Variants in GRK5 observed in about 807,000 individuals in gnomAD.
GRK5 encodes the protein g protein-coupled receptor kinase GRK5.
Under a neutral mutation model 78.4 loss-of-function variants are expected in GRK5, and 40 were observed. The ratio of observed to expected loss-of-function variants is 0.51; its 90% confidence interval spans 0.40 to 0.66. GRK5 has a LOEUF of 0.66. Ranked by LOEUF, GRK5 falls within the 30% of genes least tolerant of loss-of-function variation. GRK5 has a pLI of 0.00. For synonymous variants in GRK5, 289 were observed against 296.8 expected (o/e 0.97, Z 0.27); for missense variants, 598 against 759.9 (o/e 0.79, Z 2.50).
In GRK5 at chr10:119,207,697, G is replaced by A. The variant is rs1054099940; in HGVS notation, c.-221G>A. 6.8e-5 allele frequency: 28 copies of A among 410,078 alleles called. No individual in the cohort carries two copies. Among genetic ancestry groups the A allele is most frequent in the Non-Finnish European group, 1.1e-4 (28 of 251,448 alleles). The allele number at this position is 410,078 out of a possible 1,614,324, so 25.4% of individuals were successfully genotyped here. On this transcript the variant is annotated 5_prime_UTR_variant, in exon 1 of 16. Transcript: ENST00000392870. ...GGAGGGGGGAGGGGGGACACAGAGG[G>A]AGGAAGAAGCGGCGGCGGCGGCGGC...
At chr10:119,363,196 G>A (rs1026333712) in intron 2 of GRK5, among the ~76,000 whole-genome samples, 26 of 151,668 alleles carry the variant, frequency 1.7e-4, no homozygotes, top group African/African-American at 6.0e-4. Flanking sequence ...CAGGAGAATC[G>A]CTTGAACCCA....
At chr10:119,388,368 A>T (rs1490213460) in intron 3 of GRK5, among the ~76,000 whole-genome samples, 1 of 152,000 alleles carries the variant, frequency 6.6e-6, no homozygotes, top group East Asian at 1.9e-4. Context: ...ACAGAGTCTC[A>T]CTCTTTTGCC....
intron 2 of GRK5, among the ~76,000 whole-genome samples, chr10:119,346,649 C>T (rs767739989): frequency 2.0e-5 from 3 of 152,132 alleles, no homozygotes; most frequent in East Asian, 1.9e-4. Context: ...GCCAGCTGCA[C>T]GTGCCACCTG....
chr10:119,335,548 A>G (rs1850869604), intron 2 of GRK5, among the ~76,000 whole-genome samples: 1 of 152,178 alleles, frequency 6.6e-6, no homozygotes, highest in Non-Finnish European at 1.5e-5. Flanking sequence ...TTTTTAGTAG[A>G]GACAGGGTTT....
chr10:119,459,668 C>T lies in GRK5; in HGVS notation c.*4601C>T, dbSNP rs964557421. The T allele has an allele frequency of 7.9e-5, 12 of 152,218 alleles. No homozygotes were observed. Among genetic ancestry groups the T allele is most frequent in the African/African-American group, 1.4e-4 (6 of 41,458 alleles). The allele number at this position is 152,218 out of a possible 1,614,324, so 9.4% of individuals were successfully genotyped here. On this transcript the variant is annotated 3_prime_UTR_variant, in exon 16 of 16. Transcript: ENST00000392870. ...CTGTAACTCTGTGTGTTCCGTCTAT[C>T]GCGTCACAGTGCCGCTGGATCTAGA...
chr10:119,405,530 A>G (rs1391563357), intron 4 of GRK5, among the ~76,000 whole-genome samples: 1 of 152,016 alleles, frequency 6.6e-6, no homozygotes, highest in Admixed American at 6.6e-5. Context: ...AAAGGAAATA[A>G]TAACGACTCC....
At chr10:119,235,399 A>G (rs1360048166) in intron 1 of GRK5, among the ~76,000 whole-genome samples, 1 of 152,240 alleles carries the variant, frequency 6.6e-6, no homozygotes, top group African/African-American at 2.4e-5. Context: ...CAAAAGAGCC[A>G]GGTTTAGAAA....
chr10:119,333,960 T>G, intron 2 of GRK5: 1 of 431,768 alleles, frequency 2.3e-6, no homozygotes, highest in Non-Finnish European at 4.6e-6. Flanking sequence ...TTAAAGGATC[T>G]CTCTGCGAGC....
At chr10:119,435,225 T>C (rs761062835) in intron 8 of GRK5, among the ~76,000 whole-genome samples, 5 of 152,214 alleles carry the variant, frequency 3.3e-5, no homozygotes, top group South Asian at 4.1e-4. Flanking sequence ...ATTTTCCCCA[T>C]GGTCTTGGGG....
At chr10:119,215,718 C>T (rs1420461942) in intron 1 of GRK5, among the ~76,000 whole-genome samples, 2 of 152,156 alleles carry the variant, frequency 1.3e-5, no homozygotes, top group Non-Finnish European at 2.9e-5. Flanking sequence ...AATTGAGCAA[C>T]TGACTTTCCT....
chr10:119,265,973 C>T (rs1849489397), intron 1 of GRK5, among the ~76,000 whole-genome samples: 1 of 152,130 alleles, frequency 6.6e-6, no homozygotes, highest in Non-Finnish European at 1.5e-5. Flanking sequence ...CCTCTTTGGG[C>T]CCCACTAACA....
intron 3 of GRK5, 90 bp downstream of exon 3, chr10:119,381,017 G>A (rs554617891): frequency 2.0e-5 from 16 of 795,166 alleles, no homozygotes; most frequent in Non-Finnish European, 2.8e-5. Context: ...TCATGGGTTA[G>A]AAGACTGAGG....
At chr10:119,325,566 T>C (rs1850661095) in intron 1 of GRK5, among the ~76,000 whole-genome samples, 1 of 152,166 alleles carries the variant, frequency 6.6e-6, no homozygotes, top group South Asian at 2.1e-4. Flanking sequence ...CATGGACAGA[T>C]GGTGGCTAAG....
At chr10:119,369,460 G>A (rs1039990344) in intron 2 of GRK5, among the ~76,000 whole-genome samples, 3 of 152,168 alleles carry the variant, frequency 2.0e-5, no homozygotes, top group South Asian at 2.1e-4. Context: ...GAGCAGCTGC[G>A]CATTCCCCAG....
rs960266204 is a variant in GRK5 at position 119,412,610 on chromosome 10, C to A, written c.340-10556C>A. Among the ~76,000 whole-genome samples the A allele has an allele frequency of 6.6e-5, 10 of 152,208 alleles. No homozygotes were observed. The highest frequency in any genetic ancestry group is 6.5e-4 in the Admixed American group (10 of 15,288). On this transcript the variant is annotated intron_variant, in intron 4 of 15. Transcript: ENST00000392870. This position sits in a 1 kb window ranked among gnomAD's most constrained non-coding sequence, Gnocchi z 4.3. ...CCATGGACAGAGAAAGGAACCACTC[C>A]AGACGGACGTGAGGGTGTGTGGCAG...
intron 1 of GRK5, among the ~76,000 whole-genome samples, chr10:119,288,512 G>A (rs926590864): frequency 6.6e-6 from 1 of 152,210 alleles, no homozygotes; most frequent in African/African-American, 2.4e-5. Context: ...CTACTGCTGA[G>A]ATGCAGATAG....
chr10:119,349,330 G>A (rs1418278358), intron 2 of GRK5, among the ~76,000 whole-genome samples: 3 of 152,228 alleles, frequency 2.0e-5, no homozygotes, highest in African/African-American at 4.8e-5. Context: ...AGAGGTGGCC[G>A]TAGTGATGCT....
chr10:119,413,791 A>T (rs1472889448), intron 4 of GRK5, among the ~76,000 whole-genome samples: 1 of 151,984 alleles, frequency 6.6e-6, no homozygotes, highest in Non-Finnish European at 1.5e-5. Context: ...GCCCAGCACA[A>T]CGCCTGCCTC....
At chr10:119,381,159 A>G (rs3818779) in intron 3 of GRK5, among the ~76,000 whole-genome samples, 135,930 of 152,280 alleles carry the variant, frequency 0.89, 61,036 homozygotes, top group Non-Finnish European at 0.95. Flanking sequence ...CTTAGTTGCT[A>G]TTGCTATAAA....
Sources: gnomAD v4.1 joint callset for allele counts (sites outside exome capture counted in the v4.1 genomes callset) on GRCh38, gnomAD v4.1.1 for gene constraint, Gnocchi (gnomAD v3.1) non-coding constraint, MANE v1.5 for transcripts, NCBI Gene and HGNC (gene_info 2026-07-23, HGNC 2026-07-21) for gene names.